The following IKZF1 variants were observed in gnomAD, a reference collection of about 807,000 sequenced individuals.
The protein encoded by IKZF1 is DNA-binding protein Ikaros.
A neutral mutation model predicts 51.7 loss-of-function variants in IKZF1; 10 were observed. That is an observed-to-expected ratio of 0.19 (90% CI 0.12 to 0.33). IKZF1 has a LOEUF of 0.33. Ranked by LOEUF, IKZF1 falls within the 10% of genes least tolerant of loss-of-function variation. The pLI, the probability that IKZF1 is intolerant of heterozygous loss-of-function variation, is 1.00. For missense variants in IKZF1, 484 were observed against 707.5 expected (o/e 0.68, Z 3.58); for synonymous variants, 280 against 282.3 (o/e 0.99, Z 0.08).
intron 2 of IKZF1, among the ~76,000 whole-genome samples, chr7:50,320,985 A>G (rs1021939877): frequency 6.6e-6 from 1 of 152,232 alleles, no homozygotes; most frequent in African/African-American, 2.4e-5. Flanking sequence ...AAGTCCAAAT[A>G]CATGTGAAAG....
At chr7:50,378,353 G>A (rs966012479) in intron 4 of IKZF1, among the ~76,000 whole-genome samples, 1 of 152,110 alleles carries the variant, frequency 6.6e-6, no homozygotes, top group African/African-American at 2.4e-5. Context: ...TGAAGCAAGC[G>A]TGCATGAGAG....
chr7:50,389,447 G>T (rs1035204434), intron 6 of IKZF1, among the ~76,000 whole-genome samples: 8 of 152,174 alleles, frequency 5.3e-5, no homozygotes, highest in Admixed American at 6.5e-5. Context: ...CCCTTTGGTG[G>T]TTAAGTTACT....
intron 3 of IKZF1, among the ~76,000 whole-genome samples, chr7:50,343,733 A>AAT (rs1373373762): frequency 1.3e-5 from 2 of 152,384 alleles, no homozygotes; most frequent in South Asian, 4.1e-4. Context: ...CTAATGCACC[A>AAT]GCACACATGC....
chr7:50,364,487 A>G (rs987385229), intron 3 of IKZF1, among the ~76,000 whole-genome samples: 2 of 152,232 alleles, frequency 1.3e-5, no homozygotes, highest in African/African-American at 4.8e-5. Context: ...CTTTTATTAA[A>G]CAGTGGCCTG....
At chr7:50,336,530 G>C (rs1797827328) in intron 3 of IKZF1, among the ~76,000 whole-genome samples, 1 of 152,242 alleles carries the variant, frequency 6.6e-6, no homozygotes, top group East Asian at 1.9e-4. Flanking sequence ...CCTTCAGGGG[G>C]CCTGTCAGAT....
chr7:50,308,634 C>T (rs1004770155), intron 1 of IKZF1: 1 of 152,264 alleles, frequency 6.6e-6, no homozygotes, highest in South Asian at 2.1e-4. Flanking sequence ...GGCTCCCTTC[C>T]TGTCTGTGTT....
chr7:50,366,950 G>T (rs1807148715), intron 3 of IKZF1, among the ~76,000 whole-genome samples: 1 of 152,146 alleles, frequency 6.6e-6, no homozygotes, highest in Non-Finnish European at 1.5e-5. Flanking sequence ...TTATCCATTA[G>T]ATTTGGACTA....
intron 3 of IKZF1, chr7:50,328,570 C>A (rs1211354817): frequency 6.6e-6 from 1 of 152,184 alleles, no homozygotes; most frequent in East Asian, 1.9e-4. Flanking sequence ...ATACTGAGAG[C>A]TACCTATTGG....
At chr7:50,357,035 C>T (rs572214653) in intron 3 of IKZF1, among the ~76,000 whole-genome samples, 17 of 152,098 alleles carry the variant, frequency 1.1e-4, no homozygotes, top group East Asian at 5.8e-4. Flanking sequence ...GCCGACTCAC[C>T]GGGCTTCGGA....
At chr7:50,317,298 A>T (rs1791834758) in intron 1 of IKZF1, among the ~76,000 whole-genome samples, 1 of 152,338 alleles carries the variant, frequency 6.6e-6, no homozygotes, top group Admixed American at 6.5e-5. Context: ...AATACTATAC[A>T]CATCTTCAGA....
At chr7:50,381,923 G>A (rs892528598) in intron 4 of IKZF1, among the ~76,000 whole-genome samples, 6 of 151,810 alleles carry the variant, frequency 4.0e-5, no homozygotes, top group Non-Finnish European at 5.9e-5. Context: ...TCATCCTCAC[G>A]CTCTCTGTCT....
At position 50,389,020 on chromosome 7, in the gene IKZF1, C is replaced by G. The variant is rs551534706; in HGVS notation, c.715+1550C>G. ...AAAAGAAACAGACAGTATATCATTT[C>G]TGTTTCCTCCACTGTTTTCATTACT... is the stretch of plus-strand genomic sequence containing the variant. On this transcript the variant is annotated intron_variant, in intron 6 of 7. Coordinates refer to ENST00000331340, the MANE Select transcript of IKZF1 (RefSeq NM_006060.6). Among the ~76,000 whole-genome samples, 27 of 152,336 alleles carry G rather than the reference C, an allele frequency of 1.8e-4. No individual in the cohort carries two copies. In the South Asian group the frequency reaches 5.4e-3, roughly 30 times the overall value.
intron 2 of IKZF1, among the ~76,000 whole-genome samples, chr7:50,326,723 G>T (rs1795120884): frequency 6.6e-6 from 1 of 152,162 alleles, no homozygotes; most frequent in Non-Finnish European, 1.5e-5. Flanking sequence ...TATTTGTGTG[G>T]ATTATATTTT....
At chr7:50,337,375 T>C (rs1798047516) in intron 3 of IKZF1, among the ~76,000 whole-genome samples, 1 of 152,162 alleles carries the variant, frequency 6.6e-6, no homozygotes, top group South Asian at 2.1e-4. Context: ...GGCCTGGGCC[T>C]GGACTATCCC....
At position 50,339,215 on chromosome 7, in the gene IKZF1, T is replaced by TG. The variant is rs1554339869; in HGVS notation, c.160+11458_160+11459insG. ...AAAGGAGGAATTCTTTTGGGTAGGG[T>TG]TGTGTGTGTGTGTGTGTGTGTGTGT... On this transcript the variant is annotated intron_variant, in intron 3 of 7. Coordinates refer to ENST00000331340, the MANE Select transcript of IKZF1 (RefSeq NM_006060.6). Among the ~76,000 whole-genome samples, 43 of 126,480 alleles carry TG rather than the reference T, an allele frequency of 3.4e-4. 1 individual carries two copies. The highest frequency in any genetic ancestry group is 2.3e-3 in the East Asian group (10 of 4,270). The allele number at this position is 126,480 out of a possible 152,430, so 83.0% of individuals were successfully genotyped here.
intron 3 of IKZF1, among the ~76,000 whole-genome samples, chr7:50,351,715 C>T (rs868165430): frequency 2.0e-4 from 31 of 152,310 alleles, no homozygotes; most frequent in Middle Eastern, 6.8e-3. Flanking sequence ...TGGAGGCTAC[C>T]TTGGCCAGTA....
intron 3 of IKZF1, among the ~76,000 whole-genome samples, chr7:50,375,643 G>T (rs1810014443): frequency 6.6e-6 from 1 of 151,682 alleles, no homozygotes; most frequent in African/African-American, 2.4e-5. Flanking sequence ...GTGACTTAAA[G>T]GTAACAGTAA....
intron 6 of IKZF1, 51 bp downstream of exon 6, chr7:50,387,521 G>C: frequency 6.4e-7 from 1 of 1,558,580 alleles, no homozygotes; most frequent in Non-Finnish European, 8.7e-7. Flanking sequence ...CCCCAGCACG[G>C]TGGGGAAGGA....
intron 3 of IKZF1, among the ~76,000 whole-genome samples, chr7:50,372,592 A>G (rs1197319607): frequency 6.6e-6 from 1 of 152,192 alleles, no homozygotes; most frequent in Non-Finnish European, 1.5e-5. Context: ...ATCTGTGGAT[A>G]TTGTCTGCAT....
Sources: gnomAD v4.1 joint callset for allele counts (sites outside exome capture counted in the v4.1 genomes callset) on GRCh38, gnomAD v4.1.1 for gene constraint, MANE v1.5 for transcripts, NCBI Gene and HGNC (gene_info 2026-07-23, HGNC 2026-07-21) for gene names.